Variants in NUBPL observed in about 807,000 individuals in gnomAD.
The protein encoded by NUBPL is iron-sulfur cluster transfer protein NUBPL.
In NUBPL, 31 loss-of-function variants were observed where a neutral mutation model predicts 45.7. The observed-to-expected ratio is 0.68, with a 90% confidence interval of 0.51 to 0.92. The LOEUF is 0.92. Among genes scored for constraint, NUBPL ranks in the 40% least tolerant of loss-of-function variants. The pLI is 0.00. For missense variants in NUBPL, 401 were observed against 398.7 expected (o/e 1.01, Z -0.05); for synonymous variants, 144 against 140.9 (o/e 1.02, Z -0.15).
In NUBPL at chr14:31,688,917, T is replaced by A. The variant is rs538026990; in HGVS notation, c.513+15343T>A. Among the ~76,000 whole-genome samples, 84 of 152,258 alleles carry A rather than the reference T, an allele frequency of 5.5e-4. 1 individual carries two copies. In the South Asian group the frequency reaches 0.017, roughly 30 times the overall value. ...ACTTAAAAGTGAAAACACGTGGTAT[T>A]TGGTTTTCTGTTCCGGCATTAGGTT... On this transcript the variant is annotated intron_variant, in intron 6 of 10. Coordinates refer to ENST00000281081, the MANE Select transcript of NUBPL (RefSeq NM_025152.3).
chr14:31,689,318 C>A (rs562715265), intron 6 of NUBPL, among the ~76,000 whole-genome samples: 3 of 152,300 alleles, frequency 2.0e-5, no homozygotes, highest in Admixed American at 2.0e-4. Flanking sequence ...TTCCCCCCAC[C>A]CTTGCCAGCA....
intron 4 of NUBPL, among the ~76,000 whole-genome samples, chr14:31,662,704 C>G (rs1322552398): frequency 6.6e-6 from 1 of 152,058 alleles, no homozygotes; most frequent in Non-Finnish European, 1.5e-5. Context: ...TTATCCAGTC[C>G]ATCATTGATG....
intron 4 of NUBPL, among the ~76,000 whole-genome samples, chr14:31,656,113 G>C (rs1383533658): frequency 5.9e-5 from 9 of 151,790 alleles, no homozygotes; most frequent in African/African-American, 1.9e-4. Context: ...TAAACCTCAT[G>C]AACCAATATC....
chr14:31,825,597 C>G (rs1052273359), intron 7 of NUBPL, among the ~76,000 whole-genome samples: 1 of 151,410 alleles, frequency 6.6e-6, no homozygotes, highest in African/African-American at 2.4e-5. Flanking sequence ...TCCTTCTCCT[C>G]CTCCTCATCT....
At chr14:31,601,432 G>T (rs1182134420) in intron 4 of NUBPL, among the ~76,000 whole-genome samples, 3 of 152,012 alleles carry the variant, frequency 2.0e-5, no homozygotes, top group Non-Finnish European at 4.4e-5. Flanking sequence ...TTATTTCACT[G>T]AGCAGTGGTT....
At chr14:31,703,513 G>A (rs572005465) in intron 6 of NUBPL, among the ~76,000 whole-genome samples, 3 of 152,318 alleles carry the variant, frequency 2.0e-5, no homozygotes, top group South Asian at 4.1e-4. Context: ...CCACATGCCT[G>A]GGGAGGCCTC....
At chr14:31,640,764 T>G (rs937123378) in intron 4 of NUBPL, among the ~76,000 whole-genome samples, 1 of 152,192 alleles carries the variant, frequency 6.6e-6, no homozygotes, top group African/African-American at 2.4e-5. Flanking sequence ...TGTGTTAATT[T>G]GATACACTCA....
At chr14:31,790,499 C>CAAT (rs2039360324) in intron 7 of NUBPL, among the ~76,000 whole-genome samples, 2 of 152,130 alleles carry the variant, frequency 1.3e-5, no homozygotes, top group African/African-American at 4.8e-5. Context: ...GTGCAGCCAT[C>CAAT]ACTACTGTCC....
intron 3 of NUBPL, among the ~76,000 whole-genome samples, chr14:31,592,681 T>C (rs2034173711): frequency 6.6e-6 from 1 of 152,226 alleles, no homozygotes; most frequent in Non-Finnish European, 1.5e-5. Context: ...ATTATTATTA[T>C]GATCCTGCTG....
At chr14:31,798,160 C>T (rs1267448037) in intron 7 of NUBPL, among the ~76,000 whole-genome samples, 1 of 152,096 alleles carries the variant, frequency 6.6e-6, no homozygotes, top group Non-Finnish European at 1.5e-5. Flanking sequence ...TGATTCATTC[C>T]TATGAGTGCC....
rs150499810 is a variant in NUBPL at position 31,569,841 on chromosome 14, A to G, written c.291+4793A>G. Among the ~76,000 whole-genome samples the G allele has an allele frequency of 2.5e-4, 38 of 152,332 alleles. 1 individual carries two copies. The highest frequency in any genetic ancestry group is 4.9e-4 in the Non-Finnish European group (33 of 68,030). ...AAGCCAGTTGTTAGACCTTAATGGT[A>G]CCCACTGATCTTATATATTGACAAT... On this transcript the variant is annotated intron_variant, in intron 3 of 10. Transcript: ENST00000281081.
chr14:31,726,236 A>G (rs1332170570), intron 6 of NUBPL, among the ~76,000 whole-genome samples: 1 of 152,200 alleles, frequency 6.6e-6, no homozygotes, highest in Non-Finnish European at 1.5e-5. Context: ...ATTATGTCTT[A>G]TAAAGATCTG....
intron 6 of NUBPL, among the ~76,000 whole-genome samples, chr14:31,688,935 A>G (rs2037029820): frequency 6.6e-6 from 1 of 151,766 alleles, no homozygotes; most frequent in Admixed American, 6.6e-5. Context: ...CTGTTCCGGC[A>G]TTAGGTTGCT....
At chr14:31,645,401 G>T (rs1005638839) in intron 4 of NUBPL, among the ~76,000 whole-genome samples, 1 of 152,122 alleles carries the variant, frequency 6.6e-6, no homozygotes, top group East Asian at 1.9e-4. Context: ...ATATAGTTGG[G>T]TCTTATTTCT....
intron 6 of NUBPL, among the ~76,000 whole-genome samples, chr14:31,742,082 A>G (rs2038296216): frequency 6.6e-6 from 1 of 152,164 alleles, no homozygotes; most frequent in Non-Finnish European, 1.5e-5. Context: ...AATGCAGAGG[A>G]AGGAGATAGG....
chr14:31,824,835 TG>T (rs879605100), intron 7 of NUBPL, among the ~76,000 whole-genome samples: 43 of 152,316 alleles, frequency 2.8e-4, no homozygotes, highest in African/African-American at 8.9e-4. Flanking sequence ...GGCTCTGAAT[TG>T]TCACAGCATT....
chr14:31,853,085 T>TGTTG (rs1566599739), intron 10 of NUBPL, among the ~76,000 whole-genome samples: 991 of 62,860 alleles, frequency 0.016, 15 homozygotes, highest in African/African-American at 0.089. Context: ...GTGTTGTGTT[T>TGTTG]TGTTTTGTTT....
intron 6 of NUBPL, among the ~76,000 whole-genome samples, chr14:31,736,365 G>A (rs935420714): frequency 6.6e-6 from 1 of 151,988 alleles, no homozygotes; most frequent in African/African-American, 2.4e-5. Flanking sequence ...TATGTAGGAG[G>A]TTTCCTCTTG....
chr14:31,567,868 A>G (rs867835771), intron 3 of NUBPL, among the ~76,000 whole-genome samples: 6 of 152,190 alleles, frequency 3.9e-5, no homozygotes, highest in Non-Finnish European at 7.3e-5. Context: ...GAGATCTGCA[A>G]TCTGTGTTTT....
Sources: allele counts gnomAD v4.1 joint callset (sites outside exome capture counted in the v4.1 genomes callset), GRCh38; gene constraint gnomAD v4.1.1; transcripts MANE v1.5; gene names NCBI Gene and HGNC (gene_info 2026-07-23, HGNC 2026-07-21).